Variants in CSMD1 observed in about 807,000 individuals in gnomAD.
CSMD1 encodes CUB and sushi domain-containing protein 1.
CSMD1 carries 213 observed loss-of-function variants against 417.5 expected under a neutral mutation model. The observed-to-expected ratio is 0.51, with a 90% CI of 0.46 to 0.57. The LOEUF is 0.57. CSMD1 is among the 20% of genes least tolerant of loss of function. The pLI is 0.00. For missense variants in CSMD1, 6,923 were observed against 4,529.7 expected, an observed-to-expected ratio of 1.53 and a Z score of -15.17; for synonymous variants, 2,862 against 1,736.8, an observed-to-expected ratio of 1.65 and a Z score of -16.11.
chr8:4,202,282 G>A (rs549331256), intron 3 of CSMD1, among the ~76,000 whole-genome samples: 3 of 152,082 alleles, frequency 2.0e-5, no homozygotes, highest in South Asian at 4.2e-4. Flanking sequence ...TACTGATTAT[G>A]CTTTAAAAAA....
intron 3 of CSMD1, among the ~76,000 whole-genome samples, chr8:4,232,107 G>C (rs973541312): frequency 1.3e-5 from 2 of 152,174 alleles, no homozygotes; most frequent in Non-Finnish European, 2.9e-5. Context: ...TCATGCTTCT[G>C]ATACTTTCAA....
At chr8:3,549,280 G>A (rs765428927) in intron 10 of CSMD1, among the ~76,000 whole-genome samples, 2 of 152,218 alleles carry the variant, frequency 1.3e-5, no homozygotes, top group African/African-American at 4.8e-5. Context: ...CAGTGACTGT[G>A]TGTCCTGCAA....
In CSMD1 at chr8:4,126,914, A is replaced by T. The variant is rs139907021; in HGVS notation, c.416-94815T>A. 1.6e-4 allele frequency among the ~76,000 whole-genome samples: 24 copies of T among 152,206 alleles called. No individual in the cohort carries two copies. The East Asian group carries it at 4.5e-3, about 28-fold the overall frequency. On this transcript the variant is annotated intron_variant, in intron 3 of 69. Coordinates refer to ENST00000635120, the MANE Select transcript of CSMD1 (RefSeq NM_033225.6). ...GGAATGGGTTAGAACACAGGCTCTC[A>T]CGCCCACACAGACTCTGCTGGAAGA...
chr8:3,861,170 T>C (rs149650788), intron 5 of CSMD1, among the ~76,000 whole-genome samples: 90 of 152,294 alleles, frequency 5.9e-4, no homozygotes, highest in African/African-American at 2.1e-3. Flanking sequence ...GGTTCCTTCA[T>C]GACTCCTCAC....
At chr8:3,803,567 G>T (rs1452626139) in intron 5 of CSMD1, among the ~76,000 whole-genome samples, 1 of 152,190 alleles carries the variant, frequency 6.6e-6, no homozygotes, top group Admixed American at 6.5e-5. Context: ...AGGTGGGAAA[G>T]GCTCAGATGG....
intron 12 of CSMD1, among the ~76,000 whole-genome samples, chr8:3,426,096 T>G (rs974207447): frequency 6.6e-6 from 1 of 152,238 alleles, no homozygotes; most frequent in African/African-American, 2.4e-5. Flanking sequence ...AACAGACTAT[T>G]GCATGAATTA....
chr8:3,437,754 C>CCT (rs1554552190), intron 12 of CSMD1, among the ~76,000 whole-genome samples: 9 of 148,710 alleles, frequency 6.1e-5, no homozygotes, highest in Admixed American at 5.3e-4. Context: ...GATATCTTTT[C>CCT]TTTTTTTTTT....
chr8:4,262,799 G>C (rs1326887615), intron 3 of CSMD1, among the ~76,000 whole-genome samples: 2 of 152,158 alleles, frequency 1.3e-5, no homozygotes, highest in Non-Finnish European at 2.9e-5. Context: ...TGTTCCACCA[G>C]ATACCCAGAG....
At chr8:4,378,399 G>T (rs932713809) in intron 3 of CSMD1, among the ~76,000 whole-genome samples, 1 of 152,134 alleles carries the variant, frequency 6.6e-6, no homozygotes, top group African/African-American at 2.4e-5. Flanking sequence ...CACGCAAGTT[G>T]GCTTAAAACA....
At chr8:4,188,439 A>G (rs967217608) in intron 3 of CSMD1, among the ~76,000 whole-genome samples, 1 of 152,160 alleles carries the variant, frequency 6.6e-6, no homozygotes, top group African/African-American at 2.4e-5. Flanking sequence ...ACAAGTCCTG[A>G]AATCCAGCCT....
At chr8:4,809,737 A>G (rs781151960) in intron 1 of CSMD1, among the ~76,000 whole-genome samples, 8 of 152,238 alleles carry the variant, frequency 5.3e-5, no homozygotes, top group Non-Finnish European at 1.0e-4. Context: ...TCAACATGTA[A>G]TAAGTGAAAA....
At chr8:4,749,919 C>A (rs571064650) in intron 1 of CSMD1, among the ~76,000 whole-genome samples, 4 of 151,802 alleles carry the variant, frequency 2.6e-5, no homozygotes, top group Non-Finnish European at 5.9e-5. Context: ...GATTGTCAAG[C>A]GCCACTAATA....
chr8:4,649,554 T>C (rs2724996), intron 1 of CSMD1, among the ~76,000 whole-genome samples: 84,728 of 152,008 alleles, frequency 0.56, 23,942 homozygotes, highest in Admixed American at 0.66. Flanking sequence ...AATTTAGAAA[T>C]GATATAGTAT....
At chr8:3,258,070 T>C (rs768396240) in intron 26 of CSMD1, among the ~76,000 whole-genome samples, 20 of 152,126 alleles carry the variant, frequency 1.3e-4, no homozygotes, top group Non-Finnish European at 2.9e-4. Context: ...CCCATTCTCA[T>C]AAATTTTATA....
intron 6 of CSMD1, among the ~76,000 whole-genome samples, chr8:3,721,583 T>G (rs900270125): frequency 6.6e-6 from 1 of 152,232 alleles, no homozygotes; most frequent in Non-Finnish European, 1.5e-5. Flanking sequence ...TATTTCAGGT[T>G]CAAACTTATT....
intron 7 of CSMD1, among the ~76,000 whole-genome samples, chr8:3,656,269 C>A (rs955377076): frequency 6.6e-6 from 1 of 152,148 alleles, no homozygotes; most frequent in South Asian, 2.1e-4. Flanking sequence ...GAAAGTCAAA[C>A]GTGAGTTTAC....
chr8:3,167,136 T>G (rs1434473733), intron 37 of CSMD1, among the ~76,000 whole-genome samples: 2 of 151,962 alleles, frequency 1.3e-5, no homozygotes, highest in Non-Finnish European at 1.5e-5. Context: ...AATACAAAAA[T>G]TAGCCAGGCG....
chr8:4,427,512 C>G (rs180727274), intron 2 of CSMD1, among the ~76,000 whole-genome samples: 1 of 150,384 alleles, frequency 6.6e-6, no homozygotes, highest in African/African-American at 2.5e-5. Flanking sequence ...CACACACACA[C>G]ATGCACACTC....
intron 3 of CSMD1, among the ~76,000 whole-genome samples, chr8:4,060,007 C>G (rs1798888886): frequency 6.6e-6 from 1 of 152,178 alleles, no homozygotes; most frequent in Non-Finnish European, 1.5e-5. Context: ...GAATTTTAGA[C>G]CAATATCCTT....
Sources: gnomAD v4.1 joint callset for allele counts (sites outside exome capture counted in the v4.1 genomes callset) on GRCh38, gnomAD v4.1.1 for gene constraint, MANE v1.5 for transcripts, NCBI Gene and HGNC (gene_info 2026-07-23, HGNC 2026-07-21) for gene names.